The following ATP2B2 variants were observed in gnomAD, a reference collection of about 807,000 sequenced individuals.
ATP2B2 encodes ATPase plasma membrane Ca2+ transporting 2.
ATP2B2 carries 15 observed loss-of-function variants against 120.0 expected under a neutral mutation model. That is an observed-to-expected ratio of 0.12 (90% CI 0.08 to 0.19). The LOEUF is 0.19. ATP2B2 is among the 10% of genes least tolerant of loss of function. The probability of loss-of-function intolerance (pLI) is 1.00; values close to 1 mark genes in which losing one functional copy is unlikely to be tolerated. For missense variants in ATP2B2, 1,045 were observed against 1,719.8 expected (o/e 0.61, Z 6.94); for synonymous variants, 694 against 700.3 (o/e 0.99, Z 0.14).
rs2070783934 is a variant in ATP2B2 at position 10,661,657 on chromosome 3, GA to G, written c.-459-41697del. Among the ~76,000 whole-genome samples the G allele has an allele frequency of 2.0e-5, 3 of 152,324 alleles. No individual in the cohort carries two copies. In the East Asian group the frequency reaches 5.8e-4, roughly 29 times the overall value. ...CATGGATAGGAAGAATCAATATCGT[GA>G]AAATGGCCATACTGCCGAAGGTAAT... On this transcript the variant is annotated intron_variant, in intron 1 of 21. Coordinates refer to the ATP2B2 transcript ENST00000646379.
chr3:10,437,630 C>G (rs1218673887), intron 2 of ATP2B2, among the ~76,000 whole-genome samples: 3 of 152,230 alleles, frequency 2.0e-5, no homozygotes, highest in African/African-American at 7.2e-5. Flanking sequence ...CATGTCCCCA[C>G]TTTACAGAAG....
At chr3:10,442,524 T>C (rs2063702886) in intron 2 of ATP2B2, among the ~76,000 whole-genome samples, 1 of 152,258 alleles carries the variant, frequency 6.6e-6, no homozygotes, top group Non-Finnish European at 1.5e-5. Context: ...CAGAAGGATA[T>C]GCAGGCAGCA....
intron 5 of ATP2B2, among the ~76,000 whole-genome samples, chr3:10,393,882 CA>C (rs2061941780): frequency 6.6e-6 from 1 of 152,178 alleles, no homozygotes; most frequent in South Asian, 2.1e-4. Flanking sequence ...TCCTGAACAG[CA>C]GGAGGTGGCT....
intron 2 of ATP2B2, among the ~76,000 whole-genome samples, chr3:10,571,217 T>A (rs1043261184): frequency 6.6e-6 from 1 of 152,194 alleles, no homozygotes; most frequent in Non-Finnish European, 1.5e-5. Flanking sequence ...ACAGGGCCAA[T>A]GCCATTGCCG....
At chr3:10,379,663 T>C (rs912217384) in intron 8 of ATP2B2, among the ~76,000 whole-genome samples, 10 of 152,108 alleles carry the variant, frequency 6.6e-5, no homozygotes, top group African/African-American at 2.4e-4. Context: ...TTGTGACCGA[T>C]TTGGTGTTTT....
intron 1 of ATP2B2, among the ~76,000 whole-genome samples, chr3:10,631,006 C>T (rs2069848675): frequency 6.6e-6 from 1 of 152,156 alleles, no homozygotes; most frequent in Non-Finnish European, 1.5e-5. Context: ...AAATGTGTTT[C>T]AGAATAGAAG....
intron 16 of ATP2B2, among the ~76,000 whole-genome samples, chr3:10,348,791 G>T (rs771291174): frequency 1.3e-5 from 2 of 152,214 alleles, no homozygotes; most frequent in African/African-American, 4.8e-5. Context: ...TGCCTGCTGC[G>T]TGCAGCCTGG....
intron 1 of ATP2B2, among the ~76,000 whole-genome samples, chr3:10,457,041 G>C (rs545235816): frequency 6.6e-6 from 1 of 152,338 alleles, no homozygotes; most frequent in South Asian, 2.1e-4. Flanking sequence ...TGTGTAAGGA[G>C]GGAGAGCCTG....
At chr3:10,447,123 A>T (rs2063862963) in intron 2 of ATP2B2, among the ~76,000 whole-genome samples, 1 of 152,124 alleles carries the variant, frequency 6.6e-6, no homozygotes, top group South Asian at 2.1e-4. Context: ...GGTCTTGATT[A>T]TCTGCAGCTT....
At chr3:10,669,102 G>A (rs1276527790) in intron 1 of ATP2B2, among the ~76,000 whole-genome samples, 1 of 152,214 alleles carries the variant, frequency 6.6e-6, no homozygotes, top group Non-Finnish European at 1.5e-5. Context: ...CTCAGAACTG[G>A]GGGCTGGGAC....
In ATP2B2 at chr3:10,683,842, G is replaced by C. The variant is rs145984713; in HGVS notation, c.-460+24073C>G. Among the ~76,000 whole-genome samples, 275 of 141,472 alleles carry C rather than the reference G, an allele frequency of 1.9e-3. 1 individual carries two copies. Among genetic ancestry groups the C allele is most frequent in the African/African-American group, 7.0e-3 (265 of 37,844 alleles). 92.8% of individuals were successfully genotyped at this position (141,472 alleles called of 152,430 possible). A position where few individuals can be genotyped will look rare whatever the true frequency, so the allele number is the denominator to read the frequency against. On this transcript the variant is annotated intron_variant, in intron 1 of 21. Coordinates refer to the ATP2B2 transcript ENST00000646379. ...GGGTCTCGCTCTGTTACCTGGGCTG[G>C]AGTGCAGTGGCATGATCATAGCTCA...
intron 3 of ATP2B2, among the ~76,000 whole-genome samples, chr3:10,404,965 A>G (rs1559293975): frequency 6.6e-6 from 1 of 152,238 alleles, no homozygotes; most frequent in Admixed American, 6.5e-5. Flanking sequence ...TGCTTCCTCA[A>G]TGGGGCCCCC....
intron 1 of ATP2B2, among the ~76,000 whole-genome samples, chr3:10,454,005 C>T (rs978392526): frequency 1.3e-5 from 2 of 151,472 alleles, no homozygotes; most frequent in African/African-American, 4.9e-5. Flanking sequence ...TCCATTCATC[C>T]ACCCACCCAC....
intron 1 of ATP2B2, among the ~76,000 whole-genome samples, chr3:10,637,637 G>A (rs951187358): frequency 1.3e-5 from 2 of 152,236 alleles, no homozygotes; most frequent in African/African-American, 4.8e-5. Flanking sequence ...AAGAGTATCA[G>A]TGAGCTGTGG....
intron 2 of ATP2B2, among the ~76,000 whole-genome samples, chr3:10,423,213 G>C (rs1357847714): frequency 6.6e-6 from 1 of 152,152 alleles, no homozygotes; most frequent in African/African-American, 2.4e-5. Flanking sequence ...AATGTCCCTG[G>C]ATGCCCTGTA....
chr3:10,614,258 C>CTGAA, intron 2 of ATP2B2, among the ~76,000 whole-genome samples: 1 of 152,196 alleles, frequency 6.6e-6, no homozygotes, highest in East Asian at 1.9e-4. Flanking sequence ...TATGTATTTG[C>CTGAA]TGAATGAATG....
At chr3:10,337,995 G>A (rs927442515) in intron 22 of ATP2B2, among the ~76,000 whole-genome samples, 181 bp downstream of exon 22, 1 of 152,186 alleles carries the variant, frequency 6.6e-6, no homozygotes. Flanking sequence ...AGGCCGTGCT[G>A]TTCCTTAGCA....
At position 10,340,122 on chromosome 3, in the gene ATP2B2, A is replaced by G. The variant is rs544275764; in HGVS notation, c.3237+120T>C. The G allele has an allele frequency of 2.2e-6, 2 of 913,074 alleles. No homozygotes were observed. Among genetic ancestry groups the G allele is most frequent in the Admixed American group, 3.9e-5 (2 of 51,808 alleles). 56.6% of individuals were successfully genotyped at this position (913,074 alleles called of 1,614,324 possible). A position where few individuals can be genotyped will look rare whatever the true frequency, so the allele number is the denominator to read the frequency against. On this transcript the variant is annotated intron_variant, in intron 21 of 22. Coordinates refer to ENST00000360273, the MANE Select transcript of ATP2B2 (RefSeq NM_001001331.4). The surrounding 1 kb of genome is among the most constrained non-coding windows in gnomAD (Gnocchi z 5.0). ...CAAACCCCCTTGCTCAGATGTCCAG[A>G]GATAGGGAGGAGCTTGCCTGGGGTC...
Position 10,673,496 on chromosome 3 carries a change from G to A in ATP2B2, c.-460+34419C>T, listed in dbSNP as rs780113986. On this transcript the variant is annotated intron_variant, in intron 1 of 21. Coordinates refer to the ATP2B2 transcript ENST00000646379. ...ACAGAGAGACAGGAAGAGAGAGAAA[G>A]ACAGAGAGAGAGAGAGAGAGAGGCC... Among the ~76,000 whole-genome samples the A allele has an allele frequency of 9.3e-5, 14 of 151,234 alleles. No homozygotes were observed. The South Asian group carries it at 2.7e-3, about 29-fold the overall frequency.
Sources: allele counts gnomAD v4.1 joint callset (sites outside exome capture counted in the v4.1 genomes callset), GRCh38; gene constraint gnomAD v4.1.1; non-coding constraint Gnocchi (gnomAD v3.1); transcripts MANE v1.5; gene names NCBI Gene and HGNC (gene_info 2026-07-23, HGNC 2026-07-21).